The following SEC61A2 variants were observed in gnomAD, a reference collection of about 807,000 sequenced individuals.
The protein encoded by SEC61A2 is SEC61 translocon subunit alpha 2.
SEC61A2 carries 28 observed loss-of-function variants against 59.9 expected under a neutral mutation model. The ratio of observed to expected loss-of-function variants is 0.47; its 90% CI spans 0.35 to 0.64. SEC61A2 has a LOEUF of 0.64. Among genes scored for constraint, SEC61A2 ranks in the 30% least tolerant of loss-of-function variants. The pLI, the probability that SEC61A2 is intolerant of heterozygous loss-of-function variation, is 0.01. For synonymous variants in SEC61A2, 202 were observed against 214.4 expected, an observed-to-expected ratio of 0.94 and a Z score of 0.50; for missense variants, 340 against 585.9, an observed-to-expected ratio of 0.58 and a Z score of 4.33.
chr10:12,139,834 T>G (rs1833970739), intron 3 of SEC61A2, among the ~76,000 whole-genome samples: 1 of 151,096 alleles, frequency 6.6e-6, no homozygotes, highest in African/African-American at 2.4e-5. Context: ...CTGGGCGTGG[T>G]GGCAAATACC....
Position 12,154,244 on chromosome 10 carries a change from C to T in SEC61A2, c.463-1534C>T, listed in dbSNP as rs780560997. ...CTTTTATTCCCTTAATTATAGAAAC[C>T]GTTTCTCATTTCTGTATAATTTCTT... On this transcript the variant is annotated intron_variant, in intron 6 of 11. Transcript: ENST00000298428. This position sits in a 1 kb window ranked among gnomAD's most constrained non-coding sequence, Gnocchi z 5.2. Among the ~76,000 whole-genome samples, 3 of 152,112 alleles carry T rather than the reference C, an allele frequency of 2.0e-5. No homozygotes were observed. Among genetic ancestry groups the T allele is most frequent in the Non-Finnish European group, 1.5e-5 (1 of 68,012 alleles).
Position 12,164,992 on chromosome 10 carries a change from G to T in SEC61A2, c.*538G>T. ...CTCAAAGCAGCCACTTAGCCCACAT[G>T]GGCGAAATCAAGTCTCCAGTTATTT... On this transcript the variant is annotated 3_prime_UTR_variant, in exon 12 of 12. Transcript: ENST00000298428. This position sits in a 1 kb window ranked among gnomAD's most constrained non-coding sequence, Gnocchi z 7.3. The T allele has an allele frequency of 1.0e-6, 1 of 964,274 alleles. No homozygotes were observed. 59.7% of individuals were successfully genotyped at this position (964,274 alleles called of 1,614,324 possible).
intron 6 of SEC61A2, among the ~76,000 whole-genome samples, chr10:12,150,767 C>T (rs1834251669): frequency 6.6e-6 from 1 of 151,728 alleles, no homozygotes; most frequent in Admixed American, 6.6e-5. Flanking sequence ...TTATTAGTGT[C>T]CTAAGTATCT....
intron 4 of SEC61A2, among the ~76,000 whole-genome samples, chr10:12,148,061 T>C: frequency 6.7e-6 from 1 of 149,838 alleles, no homozygotes; most frequent in African/African-American, 2.5e-5. Flanking sequence ...CTGCCTCAGC[T>C]TCCCGAGTAG....
chr10:12,159,563 G>A (rs1362072942), intron 9 of SEC61A2, among the ~76,000 whole-genome samples: 2 of 152,096 alleles, frequency 1.3e-5, no homozygotes, highest in African/African-American at 4.8e-5. Flanking sequence ...AGTGTTACGT[G>A]CCTGTAGTCC....
At chr10:12,138,670 T>C (rs1169256580) in intron 3 of SEC61A2, among the ~76,000 whole-genome samples, 1 of 152,262 alleles carries the variant, frequency 6.6e-6, no homozygotes, top group Non-Finnish European at 1.5e-5. Flanking sequence ...TTTTTGAGAT[T>C]AATTCATATG....
rs149746413 is a variant in SEC61A2, at chr10:12,152,371, C to T, written c.462+2410C>T. Among the ~76,000 whole-genome samples the T allele has an allele frequency of 0.019, 2,929 of 150,600 alleles. 85 individuals carry two copies. Among genetic ancestry groups the T allele is most frequent in the African/African-American group, 0.068 (2,766 of 40,974 alleles). On this transcript the variant is annotated intron_variant, in intron 6 of 11. Transcript: ENST00000298428. The surrounding 1 kb of genome is among the most constrained non-coding windows in gnomAD (Gnocchi z 5.5). ...CTGGGATTACAGGCGTGAGCCACCA[C>T]GCCCCGCCCAGGGCAGGAATTTTTA... is the stretch of plus-strand genomic sequence containing the variant.
At position 12,158,224 on chromosome 10, in the gene SEC61A2, C is replaced by G. The variant is rs1289184562; in HGVS notation, c.975+119C>G. On this transcript the variant is annotated intron_variant, in intron 9 of 11. Transcript: ENST00000298428. This position sits in a 1 kb window ranked among gnomAD's most constrained non-coding sequence, Gnocchi z 5.7. ...TTGCTGTATTTTCAGATTCACTTAC[C>G]TATATAGCAGAGTTTAGTACTTATC... The G allele has an allele frequency of 2.5e-6, 2 of 805,452 alleles. No homozygotes were observed. Among genetic ancestry groups the G allele is most frequent in the African/African-American group, 3.5e-5 (2 of 57,628 alleles). 49.9% of individuals were successfully genotyped at this position (805,452 alleles called of 1,614,324 possible). A position where few individuals can be genotyped will look rare whatever the true frequency, so the allele number is the denominator to read the frequency against.
In SEC61A2 at chr10:12,129,740, G is replaced by C. The variant is rs1297222677; in HGVS notation, c.-48G>C. 1 of 1,486,860 alleles carries C rather than the reference G, an allele frequency of 6.7e-7. No homozygotes were observed. The highest frequency in any genetic ancestry group is 8.9e-7 in the Non-Finnish European group (1 of 1,123,428). 92.1% of individuals were successfully genotyped at this position (1,486,860 alleles called of 1,614,324 possible). Reference sequence around the variant, plus strand: ...GCCCGAGCCGCGGGAGTCGAGCGAAGGCAGCGCCGAGGCCGCGGTTTCCCC... The same window carrying C: ...GCCCGAGCCGCGGGAGTCGAGCGAACGCAGCGCCGAGGCCGCGGTTTCCCC... On this transcript the variant is annotated 5_prime_UTR_variant, in exon 1 of 12. Transcript: ENST00000298428. The surrounding 1 kb of genome is among the most constrained non-coding windows in gnomAD (Gnocchi z 5.6).
At chr10:12,167,865 ATCT>A (rs1287428291), downstream of SEC61A2, 15 of 1,605,796 alleles carry the variant, frequency 9.3e-6, no homozygotes, top group Admixed American at 2.2e-4. Flanking sequence ...AGGACAAAAC[ATCT>A]TATTCAATCA....
At chr10:12,165,492 C>A, downstream of SEC61A2, 1 of 388,228 alleles carries the variant, frequency 2.6e-6, no homozygotes, top group Non-Finnish European at 3.5e-6. Flanking sequence ...TGTAATTACA[C>A]TTCAAACTTT....
downstream of SEC61A2, chr10:12,166,723 A>C: frequency 2.0e-6 from 1 of 511,050 alleles, no homozygotes; most frequent in South Asian, 1.5e-5. Context: ...GTCCTGGAAA[A>C]TCATGGAGCT....
At chr10:12,163,311 GCTTTTTT>G (rs1834572566) in intron 11 of SEC61A2, among the ~76,000 whole-genome samples, 1 of 110,600 alleles carries the variant, frequency 9.0e-6, no homozygotes, top group East Asian at 2.9e-4. Flanking sequence ...CGGCCAGCTA[GCTTTTTT>G]TTTTTTTTTT....
chr10:12,145,436 C>A lies in SEC61A2; in HGVS notation c.220+2241C>A, dbSNP rs1003222412. Among the ~76,000 whole-genome samples the A allele has an allele frequency of 2.0e-5, 3 of 152,186 alleles. No individual in the cohort carries two copies. The highest frequency in any genetic ancestry group is 2.9e-5 in the Non-Finnish European group (2 of 68,042). ...TTGTTTGATTTTACACTCTCAGCGA[C>A]AGTATATGAGAATGACCATTTCTCT... On this transcript the variant is annotated intron_variant, in intron 4 of 11. Coordinates refer to ENST00000298428, the MANE Select transcript of SEC61A2 (RefSeq NM_018144.4). The surrounding 1 kb of genome is among the most constrained non-coding windows in gnomAD (Gnocchi z 4.4).
In SEC61A2 at chr10:12,129,828, TG is replaced by T; in HGVS notation, c.7+37del. On this transcript the variant is annotated intron_variant, in intron 1 of 11. Coordinates refer to ENST00000298428, the MANE Select transcript of SEC61A2 (RefSeq NM_018144.4). This position sits in a 1 kb window ranked among gnomAD's most constrained non-coding sequence, Gnocchi z 5.6. ...CGGCGGCTGGAGCGGGGACTCTGGC[TG>T]GGAACGCAGGCCCCGCCTGGGCTGC... 1 of 1,376,916 alleles carries T rather than the reference TG, an allele frequency of 7.3e-7. No homozygotes were observed. Among genetic ancestry groups the T allele is most frequent in the Non-Finnish European group, 9.4e-7 (1 of 1,062,330 alleles). 85.3% of individuals were successfully genotyped at this position (1,376,916 alleles called of 1,614,324 possible). A position where few individuals can be genotyped will look rare whatever the true frequency, so the allele number is the denominator to read the frequency against.
intron 4 of SEC61A2, among the ~76,000 whole-genome samples, chr10:12,146,632 C>T (rs1453547127): frequency 2.0e-5 from 3 of 151,886 alleles, no homozygotes; most frequent in Non-Finnish European, 2.9e-5. Flanking sequence ...ATTCTCCTGC[C>T]TCAGCCTCCT....
chr10:12,166,732 C>T (rs1834706989), downstream of SEC61A2: 4 of 510,112 alleles, frequency 7.8e-6, no homozygotes, highest in Non-Finnish European at 1.6e-5. Flanking sequence ...AATCATGGAG[C>T]TGCTGGAGGC....
Position 12,164,695 on chromosome 10 carries a change from G to T in SEC61A2, c.*241G>T. The T allele has an allele frequency of 7.8e-7, 1 of 1,286,614 alleles. No homozygotes were observed. Among genetic ancestry groups the T allele is most frequent in the Non-Finnish European group, 9.8e-7 (1 of 1,018,520 alleles). 79.7% of individuals were successfully genotyped at this position (1,286,614 alleles called of 1,614,324 possible). A position where few individuals can be genotyped will look rare whatever the true frequency, so the allele number is the denominator to read the frequency against. ...TACATCTAGTGTTGCCTGTAATGCT[G>T]GAAACCAGTGTATCTACCTTGCTGT... On this transcript the variant is annotated 3_prime_UTR_variant, in exon 12 of 12. Coordinates refer to ENST00000298428, the MANE Select transcript of SEC61A2 (RefSeq NM_018144.4). The surrounding 1 kb of genome is among the most constrained non-coding windows in gnomAD (Gnocchi z 7.3).
At chr10:12,148,355 C>T (rs1484697279) in intron 4 of SEC61A2, among the ~76,000 whole-genome samples, 1 of 151,502 alleles carries the variant, frequency 6.6e-6, no homozygotes, top group African/African-American at 2.4e-5. Flanking sequence ...AAGCAATTCA[C>T]CTGCCTCAGC....
Sources: allele counts gnomAD v4.1 joint callset (sites outside exome capture counted in the v4.1 genomes callset), GRCh38; gene constraint gnomAD v4.1.1; non-coding constraint Gnocchi (gnomAD v3.1); transcripts MANE v1.5; gene names NCBI Gene and HGNC (gene_info 2026-07-23, HGNC 2026-07-21).